Variants in KIF25 observed in about 807,000 individuals in gnomAD.
The protein encoded by KIF25 is kinesin-like protein KIF25.
A neutral mutation model predicts 32.9 loss-of-function variants in KIF25; 19 were observed. The observed-to-expected ratio is 0.58, with a 90% CI of 0.40 to 0.85. The LOEUF (loss-of-function observed/expected upper bound fraction) is 0.85. Among genes scored for constraint, KIF25 ranks in the 40% least tolerant of loss-of-function variants. The pLI is 0.00. For synonymous variants in KIF25, 225 were observed against 213.7 expected (o/e 1.05, Z -0.46); for missense variants, 485 against 507.0 (o/e 0.96, Z 0.42).
chr6:168,043,998 T>A (rs1799172025), intron 12 of KIF25, among the ~76,000 whole-genome samples: 1 of 152,010 alleles, frequency 6.6e-6, no homozygotes, highest in Non-Finnish European at 1.5e-5. Context: ...ATGAGGGAGA[T>A]CTAGAAAGAA....
At chr6:168,017,716 G>A (rs1209564214) in intron 4 of KIF25, among the ~76,000 whole-genome samples, 6 of 152,154 alleles carry the variant, frequency 3.9e-5, no homozygotes, top group African/African-American at 2.4e-5. Context: ...CTTTATGGGG[G>A]TCGGCAAACC....
chr6:168,000,144 T>G (rs1583120777), intron 2 of KIF25, among the ~76,000 whole-genome samples: 1 of 48,890 alleles, frequency 2.0e-5, no homozygotes, highest in African/African-American at 8.5e-5. Flanking sequence ...CCCTCCCCAC[T>G]CCCATCCTGT....
In KIF25 at chr6:168,013,338, C is replaced by T. The variant is rs112071361; in HGVS notation, c.-162-4635C>T. Among the ~76,000 whole-genome samples the T allele has an allele frequency of 3.6e-3, 540 of 152,046 alleles. 3 individuals are homozygous for T. Among genetic ancestry groups the T allele is most frequent in the African/African-American group, 0.012 (517 of 41,448 alleles). The stretch of plus-strand genomic sequence containing the variant: ...GGGTTGGTTTCCCTGCTGTGCAAGG[C>T]CGGAGTCACAGCTGATCCTGGGCCC... On this transcript the variant is annotated intron_variant, in intron 4 of 12. Transcript: ENST00000643607.
At chr6:168,010,473 T>C (rs1798633147) in intron 4 of KIF25, among the ~76,000 whole-genome samples, 1 of 152,144 alleles carries the variant, frequency 6.6e-6, no homozygotes, top group African/African-American at 2.4e-5. Flanking sequence ...TTTTATTCTG[T>C]TATGGTCGAA....
rs192402046 is a variant in KIF25 at position 168,001,349 on chromosome 6, T to C, written c.-369-1194T>C. 1.3e-4 allele frequency among the ~76,000 whole-genome samples: 20 copies of C among 152,358 alleles called. 1 individual carries two copies. The East Asian group carries it at 3.9e-3, about 29-fold the overall frequency. ...GGATTTCAGGTTTTTGGATGAGGGA[T>C]GCTCAGCCTGTAGTTAATGGCCCCC... On this transcript the variant is annotated intron_variant, in intron 2 of 12. Coordinates refer to ENST00000643607, the MANE Select transcript of KIF25 (RefSeq NM_030615.4).
intron 4 of KIF25, among the ~76,000 whole-genome samples, chr6:168,012,668 G>C (rs115671696): frequency 1.1e-4 from 17 of 152,164 alleles, no homozygotes; most frequent in South Asian, 2.1e-4. Flanking sequence ...TGACTTGTAG[G>C]GTTGTTTCTC....
Position 168,038,572 on chromosome 6 carries a change from T to C in KIF25, c.337T>C (p.Ser113Pro), listed in dbSNP as rs757087872. Residue 113 changes from serine (S) to proline (P), a missense_variant, in exon 9 of 13, where the codon TCA becomes CCA. Transcript: ENST00000643607. Reference protein sequence around the residue: ...ELFRLILENTSRSPKVEVSIV... With the variant: ...ELFRLILENTPRSPKVEVSIV... ...CCGCAGGCTCATTTTGGAAAATACC[T>C]CAAGAAGCCCAAAGGTTGAAGTCTC... 23 of 1,614,054 alleles carry C rather than the reference T, an allele frequency of 1.4e-5. No individual in the cohort carries two copies. In the Middle Eastern group the frequency reaches 4.9e-4, roughly 35 times the overall value.
chr6:168,042,711 G>A lies in KIF25; in HGVS notation c.980G>A (p.Cys327Tyr), dbSNP rs1189340562. 6.2e-7 allele frequency: 1 copy of A among 1,609,708 alleles called. No homozygotes were observed. The highest frequency in any genetic ancestry group is 1.7e-5 in the Admixed American group (1 of 59,834). Residue 327 changes from cysteine to tyrosine, a missense_variant, in exon 12 of 13, where the codon TGC becomes TAC. Around this residue, in one of 2 missense-constraint regions of KIF25, gnomAD observed 480 missense variants for 470.3 expected, o/e 1.02. Coordinates refer to ENST00000643607, the MANE Select transcript of KIF25 (RefSeq NM_030615.4). ...AGGCTCACCCACCTCCTTCAGGACT[G>A]CCTCGGTAACCGTTTTCCCCAAAAT... The part of the protein sequence containing the change: ...NSRLTHLLQD[C>Y]LGGDAKLLVI...
intron 5 of KIF25, among the ~76,000 whole-genome samples, chr6:168,020,128 T>TCAAACAAACAAACAAA (rs58439453): frequency 8.7e-5 from 13 of 150,248 alleles, no homozygotes; most frequent in East Asian, 6.0e-4. Context: ...AGACTCCATC[T>TCAAACAAACAAACAAA]CAAACAAACA....
chr6:168,034,588 G>A (rs1182754326), intron 8 of KIF25, among the ~76,000 whole-genome samples: 1 of 152,140 alleles, frequency 6.6e-6, no homozygotes. Context: ...GAGATCCCGA[G>A]TTACAGGGTT....
At chr6:168,007,268 TG>T (rs1222474387) in intron 4 of KIF25, among the ~76,000 whole-genome samples, 5 of 151,990 alleles carry the variant, frequency 3.3e-5, no homozygotes, top group African/African-American at 1.2e-4. Context: ...AAAAATTAGC[TG>T]GGCGTGGTGG....
intron 8 of KIF25, among the ~76,000 whole-genome samples, chr6:168,037,772 C>G (rs1799045942): frequency 6.6e-6 from 1 of 151,880 alleles, no homozygotes. Context: ...GAGATGGAGT[C>G]TTGCTCTGTC....
intron 10 of KIF25, 130 bp from the exon 11 acceptor site, chr6:168,041,839 C>T (rs1368751070): frequency 1.2e-6 from 1 of 858,072 alleles, no homozygotes; most frequent in Non-Finnish European, 1.8e-6. Context: ...GGAAATCCCA[C>T]TTCTTACTGG....
chr6:168,009,188 G>T (rs952991238), intron 4 of KIF25, among the ~76,000 whole-genome samples: 3 of 151,982 alleles, frequency 2.0e-5, no homozygotes, highest in Non-Finnish European at 4.4e-5. Context: ...ATGTTAGGAT[G>T]TTAGCTGTGG....
chr6:168,030,900 G>A, intron 7 of KIF25, 53 bp downstream of exon 7: 1 of 1,386,900 alleles, frequency 7.2e-7, no homozygotes, highest in Non-Finnish European at 1.0e-6. Flanking sequence ...TGAATATAAA[G>A]AAGCTTCACT....
In KIF25 at chr6:168,045,038, C is replaced by T. The variant is rs1228869173; in HGVS notation, c.*42C>T. 1 of 1,546,880 alleles carries T rather than the reference C, an allele frequency of 6.5e-7. No homozygotes were observed. The highest frequency in any genetic ancestry group is 8.8e-7 in the Non-Finnish European group (1 of 1,141,456). ...TTCTCCTAAAACTGTGTTTCTTGTCCTTGCTTTATAATGCATATGTGCTTA... is the reference window on the plus strand; with the variant it reads ...TTCTCCTAAAACTGTGTTTCTTGTCTTTGCTTTATAATGCATATGTGCTTA... On this transcript the variant is annotated 3_prime_UTR_variant, in exon 13 of 13. Coordinates refer to ENST00000643607, the MANE Select transcript of KIF25 (RefSeq NM_030615.4).
Position 168,040,692 on chromosome 6 carries a change from A to T in KIF25, c.646+476A>T, listed in dbSNP as rs577739037. Among the ~76,000 whole-genome samples the T allele has an allele frequency of 2.6e-5, 4 of 152,304 alleles. No homozygotes were observed. The South Asian group carries it at 8.3e-4, about 32-fold the overall frequency. On this transcript the variant is annotated intron_variant, in intron 10 of 12. Transcript: ENST00000643607. Reference sequence around the variant, plus strand: ...ATCTGCATCCCAAACCCAAAAGTCCACTGGGATCCCAGGCTGAGAAGAAAA... The same window carrying T: ...ATCTGCATCCCAAACCCAAAAGTCCTCTGGGATCCCAGGCTGAGAAGAAAA...
chr6:168,004,915 T>C (rs921003516), intron 4 of KIF25, among the ~76,000 whole-genome samples: 1 of 152,172 alleles, frequency 6.6e-6, no homozygotes, highest in African/African-American at 2.4e-5. Flanking sequence ...AATCAAGTCT[T>C]GGGGACAGTC....
chr6:168,043,236 C>T (rs1395493386), intron 12 of KIF25, among the ~76,000 whole-genome samples: 2 of 152,142 alleles, frequency 1.3e-5, no homozygotes, highest in African/African-American at 4.8e-5. Context: ...GTTAGTGCCC[C>T]CTCCCCCGAC....
Sources: allele counts gnomAD v4.1 joint callset (sites outside exome capture counted in the v4.1 genomes callset), GRCh38; gene constraint gnomAD v4.1.1; regional missense constraint gnomAD v4.1.1; transcripts MANE v1.5; gene names NCBI Gene and HGNC (gene_info 2026-07-23, HGNC 2026-07-21).